The following MAST4 variants were observed in gnomAD, a reference collection of about 807,000 sequenced individuals.
MAST4 encodes the protein microtubule associated serine/threonine kinase family member 4.
A neutral mutation model predicts 162.7 loss-of-function variants in MAST4; 89 were observed. The observed-to-expected ratio is 0.55, with a 90% confidence interval of 0.46 to 0.65. The LOEUF is 0.65. Ranked by LOEUF, MAST4 falls within the 30% of genes least tolerant of loss-of-function variation. The pLI, the probability that MAST4 is intolerant of heterozygous loss-of-function variation, is 0.00. For missense variants in MAST4, 3,153 were observed against 3,374.0 expected, an observed-to-expected ratio of 0.93 and a Z score of 1.62; for synonymous variants, 1,479 against 1,361.1, an observed-to-expected ratio of 1.09 and a Z score of -1.91.
intron 4 of MAST4, among the ~76,000 whole-genome samples, chr5:67,012,074 G>C (rs1337884344): frequency 6.6e-6 from 1 of 152,150 alleles, no homozygotes; most frequent in African/African-American, 2.4e-5. Flanking sequence ...ATATTGATAA[G>C]TGCACAGTGA....
chr5:66,865,766 A>G (rs1198486116), intron 3 of MAST4, among the ~76,000 whole-genome samples: 1 of 152,182 alleles, frequency 6.6e-6, no homozygotes, highest in Non-Finnish European at 1.5e-5. Flanking sequence ...AGTAAAGATC[A>G]GCATTTGTTT....
At chr5:66,643,330 C>T (rs1320955210) in intron 1 of MAST4, among the ~76,000 whole-genome samples, 5 of 152,228 alleles carry the variant, frequency 3.3e-5, no homozygotes, top group Non-Finnish European at 5.9e-5. Flanking sequence ...TCAGTAATAT[C>T]TGTTGAAGCT....
chr5:66,883,459 C>A (rs567921725), intron 3 of MAST4, among the ~76,000 whole-genome samples: 3 of 140,860 alleles, frequency 2.1e-5, no homozygotes, highest in African/African-American at 8.0e-5. Context: ...GATGGAGTCT[C>A]CCTCTGTTGC....
intron 3 of MAST4, among the ~76,000 whole-genome samples, chr5:66,838,738 G>A (rs1401581425): frequency 6.6e-6 from 1 of 152,132 alleles, no homozygotes; most frequent in Admixed American, 6.6e-5. Flanking sequence ...TCTAGGCGGA[G>A]GAAGCAACAG....
intron 4 of MAST4, among the ~76,000 whole-genome samples, chr5:66,959,988 T>C (rs1445384393): frequency 6.6e-6 from 1 of 152,234 alleles, no homozygotes; most frequent in Admixed American, 6.5e-5. Context: ...CAGCAAATTT[T>C]TATTTTAAAT....
At position 67,166,606 on chromosome 5, in the gene MAST4, C is replaced by A. The variant is rs763967658; in HGVS notation, c.7427C>A (p.Ser2476Tyr). 2 of 1,600,852 alleles carry A rather than the reference C, an allele frequency of 1.2e-6. No individual in the cohort carries two copies. Among genetic ancestry groups the A allele is most frequent in the South Asian group, 1.1e-5 (1 of 88,608 alleles). ...PETRAGVREA[S>Y]AASSDTSSAK... ...ACCAGGGCCGGAGTTAGAGAGGCCT[C>A]TGCAGCCAGCAGCGACACCTCTTCT... The change falls in exon 29 of 29, where the codon TCT becomes TAT. Residue 2476 changes from serine to tyrosine, a missense_variant. Ser to Tyr is a moderately radical substitution (Grantham distance 144). Coordinates refer to ENST00000403625, the MANE Select transcript of MAST4 (RefSeq NM_001164664.2).
chr5:66,982,526 A>G (rs2150244493), intron 4 of MAST4, among the ~76,000 whole-genome samples: 1 of 152,316 alleles, frequency 6.6e-6, no homozygotes, highest in South Asian at 2.1e-4. Flanking sequence ...AGTCAGGGAT[A>G]ACTAGCACAT....
intron 3 of MAST4, among the ~76,000 whole-genome samples, chr5:66,859,489 A>C (rs2371679): frequency 6.6e-6 from 1 of 152,120 alleles, no homozygotes; most frequent in East Asian, 1.9e-4. Context: ...TTGCCTCCCC[A>C]TTACCTTAAA....
At chr5:66,917,075 C>T in intron 4 of MAST4, 2 of 716,662 alleles carry the variant, frequency 2.8e-6, no homozygotes, top group South Asian at 3.0e-5. Flanking sequence ...TAGAAAATCA[C>T]CTTCACCCAT....
intron 6 of MAST4, chr5:67,094,038 G>A (rs1265216945): frequency 3.7e-6 from 2 of 538,710 alleles, no homozygotes; most frequent in Admixed American, 7.3e-5. Context: ...TTGTTTAAAA[G>A]TATTTCAAAA....
intron 4 of MAST4, among the ~76,000 whole-genome samples, chr5:67,017,460 T>A (rs1753438824): frequency 2.0e-5 from 3 of 152,200 alleles, no homozygotes. Context: ...TTAGTTTTGT[T>A]TTGTTGAGAC....
intron 4 of MAST4, among the ~76,000 whole-genome samples, chr5:66,915,325 T>G (rs1764040376): frequency 6.6e-6 from 1 of 151,832 alleles, no homozygotes; most frequent in Admixed American, 6.6e-5. Flanking sequence ...GCTGTGAGAT[T>G]TCATGTTTTC....
intron 1 of MAST4, among the ~76,000 whole-genome samples, chr5:66,716,514 TA>T (rs1020684288): frequency 6.7e-5 from 10 of 150,276 alleles, no homozygotes; most frequent in African/African-American, 2.0e-4. Context: ...CCCAGCTAAT[TA>T]AAAAAAAAAT....
intron 4 of MAST4, among the ~76,000 whole-genome samples, chr5:66,941,543 G>A (rs1414688260): frequency 6.6e-6 from 1 of 152,114 alleles, no homozygotes; most frequent in Non-Finnish European, 1.5e-5. Flanking sequence ...AAATGTTGTG[G>A]CTGATATAAT....
chr5:67,015,595 G>A (rs536338704), intron 4 of MAST4, among the ~76,000 whole-genome samples: 1 of 152,228 alleles, frequency 6.6e-6, no homozygotes, highest in African/African-American at 2.4e-5. Flanking sequence ...ATTATCTTAG[G>A]GATTGGACTG....
At chr5:66,954,905 A>G (rs1745118435) in intron 4 of MAST4, among the ~76,000 whole-genome samples, 1 of 151,968 alleles carries the variant, frequency 6.6e-6, no homozygotes, top group South Asian at 2.1e-4. Context: ...TGTCTCAAAA[A>G]AAAAAGGGAG....
At chr5:66,967,885 A>G (rs531368270) in intron 4 of MAST4, among the ~76,000 whole-genome samples, 1 of 152,260 alleles carries the variant, frequency 6.6e-6, no homozygotes, top group East Asian at 1.9e-4. Flanking sequence ...TGAGGCAACC[A>G]TAACCACTCA....
chr5:66,786,231 T>G (rs572874402), intron 2 of MAST4, among the ~76,000 whole-genome samples: 1 of 152,170 alleles, frequency 6.6e-6, no homozygotes, highest in African/African-American at 2.4e-5. Flanking sequence ...GTAAAAATAC[T>G]TTGCCTTTAA....
chr5:66,886,286 T>G (rs1561414908), intron 3 of MAST4, among the ~76,000 whole-genome samples: 1 of 152,244 alleles, frequency 6.6e-6, no homozygotes, highest in African/African-American at 2.4e-5. Flanking sequence ...TGTTTTACTT[T>G]AGCTACTGTT....
Sources: gnomAD v4.1 joint callset for allele counts (sites outside exome capture counted in the v4.1 genomes callset) on GRCh38, gnomAD v4.1.1 for gene constraint, MANE v1.5 for transcripts, NCBI Gene and HGNC (gene_info 2026-07-23, HGNC 2026-07-21) for gene names.